The following CMSS1 variants were observed in gnomAD, a reference collection of about 807,000 sequenced individuals.
CMSS1 encodes cms1 ribosomal small subunit homolog.
A neutral mutation model predicts 43.5 loss-of-function variants in CMSS1; 33 were observed. That is an observed-to-expected ratio of 0.76 (90% confidence interval 0.57 to 1.01). CMSS1 has a LOEUF of 1.01. Ranked by LOEUF, CMSS1 falls within the 50% of genes least tolerant of loss-of-function variation. The pLI, the probability that CMSS1 is intolerant of heterozygous loss-of-function variation, is 0.00. For synonymous variants in CMSS1, 115 were observed against 117.2 expected (o/e 0.98, Z 0.12); for missense variants, 313 against 326.4 (o/e 0.96, Z 0.32).
intron 1 of CMSS1, chr3:99,830,549 T>C (rs568150282): frequency 8.3e-4 from 377 of 456,728 alleles, no homozygotes; most frequent in African/African-American, 6.8e-3. Flanking sequence ...TGGTGATGCC[T>C]GTAGATTTCG....
intron 1 of CMSS1, among the ~76,000 whole-genome samples, chr3:99,862,839 A>T (rs189024496): frequency 6.6e-6 from 1 of 152,064 alleles, no homozygotes; most frequent in South Asian, 2.1e-4. Flanking sequence ...TCACAGATCT[A>T]CTCCACAGCT....
chr3:99,982,006 T>C (rs1709138794), intron 1 of CMSS1, among the ~76,000 whole-genome samples: 1 of 152,222 alleles, frequency 6.6e-6, no homozygotes, highest in South Asian at 2.1e-4. Context: ...ATCACTTTTC[T>C]ATTTTATTTT....
At chr3:100,056,985 CAG>C in intron 1 of CMSS1, among the ~76,000 whole-genome samples, 1 of 151,968 alleles carries the variant, frequency 6.6e-6, no homozygotes, top group Non-Finnish European at 1.5e-5. Flanking sequence ...GCCTGGGCAA[CAG>C]AGCGAGACTC....
chr3:99,983,297 G>A (rs1486310476), intron 1 of CMSS1, among the ~76,000 whole-genome samples: 1 of 149,780 alleles, frequency 6.7e-6, no homozygotes, highest in Admixed American at 6.7e-5. Flanking sequence ...ACTTTGGGAG[G>A]CCAAGGCAGG....
intron 1 of CMSS1, among the ~76,000 whole-genome samples, chr3:100,012,867 AGGC>A (rs1710201604): frequency 6.7e-6 from 1 of 148,494 alleles, no homozygotes; most frequent in Non-Finnish European, 1.5e-5. Flanking sequence ...TCCACCTCCC[AGGC>A]TCAAGCAGTC....
At chr3:100,005,063 C>G (rs1040963857) in intron 1 of CMSS1, among the ~76,000 whole-genome samples, 5 of 152,116 alleles carry the variant, frequency 3.3e-5, no homozygotes, top group African/African-American at 1.2e-4. Flanking sequence ...CAGGACGTAA[C>G]CAGAAAGCCA....
intron 3 of CMSS1, 36 bp from the exon 4 acceptor site, chr3:100,162,267 T>A: frequency 6.3e-7 from 1 of 1,593,326 alleles, no homozygotes; most frequent in Non-Finnish European, 8.6e-7. Context: ...CATTTTAAAA[T>A]ATGTCGTCCC....
intron 1 of CMSS1, among the ~76,000 whole-genome samples, chr3:99,953,675 A>T (rs1399184206): frequency 6.6e-6 from 1 of 152,186 alleles, no homozygotes; most frequent in East Asian, 1.9e-4. Flanking sequence ...TATATTTGAA[A>T]CACTGATTAC....
At chr3:100,078,670 C>T (rs1213608505) in intron 1 of CMSS1, among the ~76,000 whole-genome samples, 1 of 152,090 alleles carries the variant, frequency 6.6e-6, no homozygotes, top group Non-Finnish European at 1.5e-5. Context: ...GCAGGCAGAT[C>T]ACTTGAAGTC....
At chr3:99,926,432 A>C (rs930126297) in intron 1 of CMSS1, among the ~76,000 whole-genome samples, 2 of 152,342 alleles carry the variant, frequency 1.3e-5, no homozygotes, top group South Asian at 4.1e-4. Context: ...GTTTCAAACC[A>C]CTGCAGCCCT....
chr3:100,160,234 T>A (rs1436972237), intron 2 of CMSS1, among the ~76,000 whole-genome samples, 196 bp from the exon 3 acceptor site: 8 of 152,228 alleles, frequency 5.3e-5, no homozygotes, highest in African/African-American at 1.9e-4. Context: ...CTGCGCTTTC[T>A]GACTTTCTCA....
intron 1 of CMSS1, among the ~76,000 whole-genome samples, chr3:100,078,314 G>A (rs2065880554): frequency 6.6e-6 from 1 of 152,100 alleles, no homozygotes; most frequent in Non-Finnish European, 1.5e-5. Context: ...GATAAATCCA[G>A]AGAAAACGTA....
intron 1 of CMSS1, among the ~76,000 whole-genome samples, chr3:99,968,351 A>G (rs554165203): frequency 6.6e-6 from 1 of 152,096 alleles, no homozygotes; most frequent in Non-Finnish European, 1.5e-5. Context: ...AGGGATTAAG[A>G]TAAAGGACCT....
rs79603596 is a variant in CMSS1, at chr3:100,082,803, T to C, written c.65-64170T>C. Among the ~76,000 whole-genome samples the C allele has an allele frequency of 5.4e-3, 830 of 152,328 alleles. 12 individuals carry two copies. Among genetic ancestry groups the C allele is most frequent in the African/African-American group, 0.018 (763 of 41,570 alleles). On this transcript the variant is annotated intron_variant, in intron 1 of 9. Transcript: ENST00000421999. ...TCACAAAATCTGTTTTTCAGCATGG[T>C]AGTCATAGACTTACCTTCGTTGACT... is the stretch of plus-strand genomic sequence containing the variant.
intron 1 of CMSS1, among the ~76,000 whole-genome samples, chr3:100,006,233 T>C (rs913304646): frequency 5.3e-5 from 8 of 152,134 alleles, no homozygotes; most frequent in Non-Finnish European, 1.0e-4. Context: ...CCAAACTGTT[T>C]TCCCCAGCCC....
intron 1 of CMSS1, among the ~76,000 whole-genome samples, chr3:100,071,248 A>C (rs1425538873): frequency 6.6e-6 from 1 of 152,140 alleles, no homozygotes; most frequent in East Asian, 1.9e-4. Flanking sequence ...TACTCACTTC[A>C]TCTCCTGAGA....
intron 1 of CMSS1, among the ~76,000 whole-genome samples, chr3:99,948,253 A>G (rs527787558): frequency 6.6e-6 from 1 of 152,314 alleles, no homozygotes; most frequent in African/African-American, 2.4e-5. Context: ...CAGGCCAGGC[A>G]TGGTGTCTCA....
intron 1 of CMSS1, among the ~76,000 whole-genome samples, chr3:99,918,455 A>T (rs1035741030): frequency 6.6e-6 from 1 of 152,182 alleles, no homozygotes. Flanking sequence ...GTAAGCAATA[A>T]ACTCACTATC....
intron 1 of CMSS1, among the ~76,000 whole-genome samples, chr3:100,132,861 C>T (rs1161181012): frequency 1.3e-5 from 2 of 148,240 alleles, no homozygotes; most frequent in Non-Finnish European, 3.0e-5. Context: ...AATATTTAGT[C>T]TCATCAAATG....
Sources: allele counts gnomAD v4.1 joint callset (sites outside exome capture counted in the v4.1 genomes callset), GRCh38; gene constraint gnomAD v4.1.1; transcripts MANE v1.5; gene names NCBI Gene and HGNC (gene_info 2026-07-23, HGNC 2026-07-21).